Variants in ZDHHC1 observed in about 807,000 individuals in gnomAD.
ZDHHC1 encodes the protein zDHHC palmitoyltransferase 1, also known as palmitoyltransferase ZDHHC1.
Under a neutral mutation model 46.9 loss-of-function variants are expected in ZDHHC1, and 45 were observed. The observed-to-expected ratio is 0.96, with a 90% CI of 0.76 to 1.23. ZDHHC1 has a LOEUF of 1.23. ZDHHC1 is among the 50% of genes most tolerant of loss of function. The pLI is 0.00. For missense variants in ZDHHC1, 649 were observed against 670.8 expected, an observed-to-expected ratio of 0.97 and a Z score of 0.36; for synonymous variants, 291 against 286.0, an observed-to-expected ratio of 1.02 and a Z score of -0.18.
chr16:67,407,609 A>G (rs1222413163), intron 2 of ZDHHC1, among the ~76,000 whole-genome samples, 158 bp downstream of exon 2: 1 of 152,150 alleles, frequency 6.6e-6, no homozygotes, highest in Non-Finnish European at 1.5e-5. Flanking sequence ...CCTTATGCTA[A>G]GTCATTGTTG....
At chr16:67,397,681 G>A (rs1464410783) in intron 8 of ZDHHC1, among the ~76,000 whole-genome samples, 1 of 152,234 alleles carries the variant, frequency 6.6e-6, no homozygotes, top group Non-Finnish European at 1.5e-5. Context: ...TGGGGCGTGG[G>A]AATGGGGATA....
chr16:67,413,602 G>C (rs1015299865), intron 1 of ZDHHC1, among the ~76,000 whole-genome samples: 1 of 152,162 alleles, frequency 6.6e-6, no homozygotes, highest in African/African-American at 2.4e-5. Flanking sequence ...ACTGATCTCA[G>C]ATGTGGCTGG....
intron 3 of ZDHHC1, chr16:67,404,147 GCTGGATGA>G (rs71668831): frequency 0.082 from 12,418 of 151,678 alleles, 1,704 homozygotes; most frequent in African/African-American, 0.29. Context: ...TATCAACAGG[GCTGGATGA>G]CTGACTGGAT....
chr16:67,406,223 G>C lies in ZDHHC1; in HGVS notation c.229C>G (p.His77Asp). The C allele has an allele frequency of 2.5e-6, 4 of 1,613,658 alleles. No individual in the cohort carries two copies. The highest frequency in any genetic ancestry group is 3.4e-6 in the Non-Finnish European group (4 of 1,179,844). The change falls in exon 3 of 12, where the codon CAC becomes GAC. Residue 77 changes from histidine to aspartate, a missense_variant. Transcript: ENST00000565726. This position sits in a 1 kb window ranked among gnomAD's most constrained non-coding sequence, Gnocchi z 4.1. ...FGILVPLLPH[H>D]WVPAGYACMG... The stretch of plus-strand genomic sequence containing the variant: ...ACAGCGTAGCCAGCGGGCACCCAGT[G>C]GTGAGGCAGGAGGGGAACAAGGATC...
intron 1 of ZDHHC1, among the ~76,000 whole-genome samples, chr16:67,410,411 G>C (rs1188667867): frequency 6.6e-6 from 1 of 152,110 alleles, no homozygotes; most frequent in Non-Finnish European, 1.5e-5. Context: ...ACAAACCATA[G>C]AGAGTCAGGC....
intron 3 of ZDHHC1, among the ~76,000 whole-genome samples, chr16:67,402,707 A>G (rs1597540674): frequency 6.6e-6 from 1 of 151,620 alleles, no homozygotes; most frequent in African/African-American, 2.4e-5. Flanking sequence ...GCTCACTGCA[A>G]CCTCTGCCTC....
rs909751855 is a variant in ZDHHC1 at position 67,399,431 on chromosome 16, C to T, written c.454G>A (p.Ala152Thr). 12 of 1,613,014 alleles carry T rather than the reference C, an allele frequency of 7.4e-6. No homozygotes were observed. Among genetic ancestry groups the T allele is most frequent in the South Asian group, 3.3e-5 (3 of 91,066 alleles). ...AAACCGCACACGCACTTGTTGCAGGCGCTGCAGTGCTTGGAGCGAGCGCTC... is the reference window on the plus strand; with the variant it reads ...AAACCGCACACGCACTTGTTGCAGGTGCTGCAGTGCTTGGAGCGAGCGCTC... ...DVSARSKHCS[A>T]CNKCVCGFDH... Residue 152 changes from alanine (A) to threonine (T), a missense_variant, in exon 5 of 12, where the codon GCC (alanine) becomes ACC (threonine). Physicochemically the swap from Ala to Thr is moderately conservative, Grantham distance 58 (BLOSUM62 0). Transcript: ENST00000565726.
At chr16:67,404,615 C>T (rs992233588) in intron 3 of ZDHHC1, 6 of 448,300 alleles carry the variant, frequency 1.3e-5, no homozygotes, top group African/African-American at 1.0e-4. Context: ...GCCCTCAACC[C>T]GCCCCTCTCA....
intron 3 of ZDHHC1, among the ~76,000 whole-genome samples, chr16:67,403,702 C>T (rs1280047186): frequency 6.6e-6 from 1 of 152,044 alleles, no homozygotes; most frequent in African/African-American, 2.4e-5. Context: ...CTCCGCCCCC[C>T]GACCCGGGTT....
chr16:67,416,413 C>A lies in ZDHHC1; in HGVS notation c.-281G>T. 1 of 206,818 alleles carries A rather than the reference C, an allele frequency of 4.8e-6. No individual in the cohort carries two copies. The highest frequency in any genetic ancestry group is 9.6e-6 in the Non-Finnish European group (1 of 104,560). 12.8% of individuals were successfully genotyped at this position (206,818 alleles called of 1,614,324 possible). On this transcript the variant is annotated 5_prime_UTR_variant, in exon 1 of 12. Coordinates refer to ENST00000565726, the MANE Select transcript of ZDHHC1 (RefSeq NM_001323627.2). ...TCCGGCTCCGGCTCCGGCTCCGGCTCCGGCTCCAGCAGGCTGGAGGGGCGG... is the reference window on the plus strand; with the variant it reads ...TCCGGCTCCGGCTCCGGCTCCGGCTACGGCTCCAGCAGGCTGGAGGGGCGG...
chr16:67,394,658 G>A lies in ZDHHC1; in HGVS notation c.1401C>T (p.Ser467=). The A allele has an allele frequency of 8.0e-7, 1 of 1,243,106 alleles. No homozygotes were observed. Among genetic ancestry groups the A allele is most frequent in the Non-Finnish European group, 1.0e-6 (1 of 995,616 alleles). The allele number at this position is 1,243,106 out of a possible 1,614,324, so 77.0% of individuals were successfully genotyped here. The change falls in exon 12 of 12, where the codon AGC becomes AGT. Residue 467 remains serine, a synonymous_variant. Transcript: ENST00000565726. The part of the protein sequence containing the change: ...ARAPAVFVSP[S]SGEPRAPGGR... ...CGCCCGGCGCCCTGGGCTCGCCGCT[G>A]CTCGGGCTCACGAAAACGGCGGGCG...
chr16:67,406,232 G>A lies in ZDHHC1; in HGVS notation c.220C>T (p.Leu74=). ...VIGFGILVPL[L]PHHWVPAGYA... ...CCAGCGGGCACCCAGTGGTGAGGCA[G>A]GAGGGGAACAAGGATCCCAAAGCCG... Residue 74 remains leucine (L), a synonymous_variant, in exon 3 of 12, where the codon CTG becomes TTG. Coordinates refer to ENST00000565726, the MANE Select transcript of ZDHHC1 (RefSeq NM_001323627.2). This position sits in a 1 kb window ranked among gnomAD's most constrained non-coding sequence, Gnocchi z 4.1. 1 of 1,613,614 alleles carries A rather than the reference G, an allele frequency of 6.2e-7. No individual in the cohort carries two copies. Among genetic ancestry groups the A allele is most frequent in the East Asian group, 2.2e-5 (1 of 44,876 alleles).
At chr16:67,405,499 A>T (rs2040636485) in intron 3 of ZDHHC1, among the ~76,000 whole-genome samples, 1 of 152,220 alleles carries the variant, frequency 6.6e-6, no homozygotes, top group Admixed American at 6.5e-5. Flanking sequence ...AACTCTCTGG[A>T]AAGGAGCACA....
Position 67,394,850 on chromosome 16 carries a change from G to T in ZDHHC1, c.1209C>A (p.Ser403=). Reference sequence around the variant, plus strand: ...CGGCGTGCACAGGGCTGGCGTCCGCGGAATCCGTCGACGAGCTGGAGCGGC... The same window carrying T: ...CGGCGTGCACAGGGCTGGCGTCCGCTGAATCCGTCGACGAGCTGGAGCGGC... ...PSRRSSSSTD[S]ADASPVHAAG... is the part of the protein sequence containing the mutation. Residue 403 remains serine, a synonymous_variant, in exon 12 of 12, where the codon TCC becomes TCA. Coordinates refer to ENST00000565726, the MANE Select transcript of ZDHHC1 (RefSeq NM_001323627.2). The T allele has an allele frequency of 1.3e-6, 2 of 1,559,364 alleles. No individual in the cohort carries two copies. Among genetic ancestry groups the T allele is most frequent in the East Asian group, 2.4e-5 (1 of 42,314 alleles).
intron 1 of ZDHHC1, among the ~76,000 whole-genome samples, chr16:67,408,662 T>C (rs2040703389): frequency 6.6e-6 from 1 of 151,968 alleles, no homozygotes; most frequent in South Asian, 2.1e-4. Flanking sequence ...ATTTATTTTT[T>C]ATTTTTGCAG....
At chr16:67,395,125 G>A in intron 10 of ZDHHC1, 62 bp downstream of exon 10, 1 of 1,613,212 alleles carries the variant, frequency 6.2e-7, no homozygotes, top group Non-Finnish European at 8.5e-7. Flanking sequence ...GCGAGCGCCA[G>A]GGTAGAGGCT....
chr16:67,405,420 C>T (rs546681831), intron 3 of ZDHHC1, among the ~76,000 whole-genome samples: 2 of 152,190 alleles, frequency 1.3e-5, no homozygotes, highest in African/African-American at 2.4e-5. Context: ...GGCTTATCGC[C>T]GCCAACCACC....
chr16:67,407,730 C>T (rs373957835), intron 2 of ZDHHC1, 37 bp downstream of exon 2: 8 of 780,806 alleles, frequency 1.0e-5, no homozygotes, highest in Non-Finnish European at 1.9e-5. Flanking sequence ...TCATCTCTGT[C>T]CCCTATGTCC....
In ZDHHC1 at chr16:67,406,501, G is replaced by GA. The variant is rs2040663147; in HGVS notation, c.10-60_10-59insT. 1 of 1,447,824 alleles carries GA rather than the reference G, an allele frequency of 6.9e-7. No homozygotes were observed. The highest frequency in any genetic ancestry group is 1.4e-5 in the African/African-American group (1 of 69,722). 89.7% of individuals were successfully genotyped at this position (1,447,824 alleles called of 1,614,324 possible). A position where few individuals can be genotyped will look rare whatever the true frequency, so the allele number is the denominator to read the frequency against. On this transcript the variant is annotated intron_variant, in intron 2 of 11. Transcript: ENST00000565726. This position sits in a 1 kb window ranked among gnomAD's most constrained non-coding sequence, Gnocchi z 4.1. Reference sequence around the variant, plus strand: ...CCCAAGAAGCTGGGCTGGAGCCCAGGGCCTGTGTCTGCAGCCAAGTTTCAG... The same window carrying GA: ...CCCAAGAAGCTGGGCTGGAGCCCAGGAGCCTGTGTCTGCAGCCAAGTTTCAG...
Sources: allele counts gnomAD v4.1 joint callset (sites outside exome capture counted in the v4.1 genomes callset), GRCh38; gene constraint gnomAD v4.1.1; non-coding constraint Gnocchi (gnomAD v3.1); transcripts MANE v1.5; gene names NCBI Gene and HGNC (gene_info 2026-07-23, HGNC 2026-07-21).